The following ZMAT4 variants were observed in gnomAD, a reference collection of about 807,000 sequenced individuals.
The protein encoded by ZMAT4 is zinc finger matrin-type protein 4.
A neutral mutation model predicts 28.7 loss-of-function variants in ZMAT4; 17 were observed. That is an observed-to-expected ratio of 0.59 (90% CI 0.41 to 0.89). The LOEUF (loss-of-function observed/expected upper bound fraction) is 0.89. ZMAT4 is among the 40% of genes least tolerant of loss of function. The pLI, the probability that ZMAT4 is intolerant of heterozygous loss-of-function variation, is 0.00. For missense variants in ZMAT4, 240 were observed against 283.8 expected, an observed-to-expected ratio of 0.85 and a Z score of 1.11; for synonymous variants, 117 against 109.2, an observed-to-expected ratio of 1.07 and a Z score of -0.44.
chr8:40,650,086 T>C (rs1487164791), intron 5 of ZMAT4, among the ~76,000 whole-genome samples: 1 of 151,652 alleles, frequency 6.6e-6, no homozygotes, highest in African/African-American at 2.4e-5. Flanking sequence ...AGAGCAGAAC[T>C]GAAGGAAATA....
intron 1 of ZMAT4, among the ~76,000 whole-genome samples, chr8:40,871,454 C>G (rs1291518623): frequency 6.6e-6 from 1 of 152,186 alleles, no homozygotes; most frequent in African/African-American, 2.4e-5. Flanking sequence ...GAAAAAAAGA[C>G]AGCCATGTTT....
At chr8:40,559,525 G>A (rs1803660742) in intron 6 of ZMAT4, among the ~76,000 whole-genome samples, 1 of 152,062 alleles carries the variant, frequency 6.6e-6, no homozygotes, top group Non-Finnish European at 1.5e-5. Flanking sequence ...AAATCCTTGT[G>A]CCTCCCTCCC....
intron 6 of ZMAT4, among the ~76,000 whole-genome samples, chr8:40,540,757 A>T (rs1238354836): frequency 1.3e-5 from 2 of 152,202 alleles, no homozygotes; most frequent in Non-Finnish European, 2.9e-5. Flanking sequence ...GTCTGCACTA[A>T]CTCTAGGTAG....
chr8:40,675,040 C>T (rs1222943475), intron 4 of ZMAT4, 109 bp from the exon 5 acceptor site: 2 of 763,790 alleles, frequency 2.6e-6, no homozygotes, highest in East Asian at 2.6e-5. Context: ...AGAGCTTAAA[C>T]ATCCCCAAGA....
intron 1 of ZMAT4, among the ~76,000 whole-genome samples, chr8:40,839,679 C>T (rs1004441832): frequency 2.0e-5 from 3 of 152,182 alleles, no homozygotes; most frequent in South Asian, 2.1e-4. Flanking sequence ...GATTGGAGGT[C>T]GATATCTTAA....
At chr8:40,617,517 C>T (rs755981383) in intron 5 of ZMAT4, among the ~76,000 whole-genome samples, 36 of 152,136 alleles carry the variant, frequency 2.4e-4, no homozygotes, top group African/African-American at 7.0e-4. Flanking sequence ...TCTTGGAATG[C>T]TGAAACGCTA....
intron 2 of ZMAT4, among the ~76,000 whole-genome samples, chr8:40,797,263 G>C (rs982846846): frequency 3.3e-5 from 5 of 152,230 alleles, no homozygotes; most frequent in African/African-American, 1.2e-4. Context: ...TGTCTGAGCA[G>C]TGTGCCTCTG....
intron 6 of ZMAT4, among the ~76,000 whole-genome samples, chr8:40,561,987 T>C (rs1803758823): frequency 6.6e-6 from 1 of 152,162 alleles, no homozygotes; most frequent in Non-Finnish European, 1.5e-5. Context: ...CTCCTAGTGG[T>C]CTTGCTTCTC....
chr8:40,855,606 C>G (rs993279990), intron 1 of ZMAT4, among the ~76,000 whole-genome samples: 5 of 152,074 alleles, frequency 3.3e-5, no homozygotes, highest in African/African-American at 9.6e-5. Flanking sequence ...AAAATTTGTC[C>G]TTCAGTCCTA....
intron 4 of ZMAT4, chr8:40,696,984 C>T (rs577585598): frequency 2.8e-6 from 1 of 362,034 alleles, no homozygotes; most frequent in South Asian, 8.4e-5. Context: ...AGACAATGCA[C>T]ACAGCTCTTC....
At chr8:40,848,485 G>C (rs563212965) in intron 1 of ZMAT4, among the ~76,000 whole-genome samples, 1 of 152,290 alleles carries the variant, frequency 6.6e-6, no homozygotes, top group East Asian at 1.9e-4. Flanking sequence ...GGTGGCCTGG[G>C]CATGAGTCAG....
chr8:40,838,059 G>C (rs1816562482), intron 1 of ZMAT4, among the ~76,000 whole-genome samples: 1 of 152,156 alleles, frequency 6.6e-6, no homozygotes, highest in African/African-American at 2.4e-5. Flanking sequence ...GAAGTCGCAG[G>C]GTCTTGTCAC....
At chr8:40,718,259 C>T (rs1388858978) in intron 3 of ZMAT4, among the ~76,000 whole-genome samples, 2 of 152,228 alleles carry the variant, frequency 1.3e-5, no homozygotes, top group East Asian at 1.9e-4. Context: ...GACCAGTCTG[C>T]GTCAGCAGTG....
At chr8:40,543,361 C>G (rs1328179310) in intron 6 of ZMAT4, among the ~76,000 whole-genome samples, 1 of 152,200 alleles carries the variant, frequency 6.6e-6, no homozygotes, top group African/African-American at 2.4e-5. Context: ...CAAAGCAAAG[C>G]CCATACTGCA....
At position 40,668,899 on chromosome 8, in the gene ZMAT4, G is replaced by C. The variant is rs559444974; in HGVS notation, c.577+5805C>G. 6.0e-4 allele frequency among the ~76,000 whole-genome samples: 90 copies of C among 150,436 alleles called. 1 individual carries two copies. The highest frequency in any genetic ancestry group is 9.9e-4 in the Admixed American group (15 of 15,160). ...AAAGTGTTTTTTTTTTTTTATATTG[G>C]ACAATGCCCTTGACTACCCAGAACA... is the stretch of plus-strand genomic sequence containing the variant. On this transcript the variant is annotated intron_variant, in intron 5 of 6. Transcript: ENST00000297737.
chr8:40,650,785 T>C (rs1449802728), intron 5 of ZMAT4, among the ~76,000 whole-genome samples: 3 of 149,084 alleles, frequency 2.0e-5, no homozygotes, highest in Non-Finnish European at 4.5e-5. Context: ...CACAAATCAA[T>C]AAATGTAATC....
chr8:40,717,713 T>C (rs1175097373), intron 3 of ZMAT4, among the ~76,000 whole-genome samples: 2 of 151,866 alleles, frequency 1.3e-5, no homozygotes, highest in African/African-American at 4.8e-5. Context: ...AAAAACAAAA[T>C]AAAGCATTCA....
At chr8:40,751,769 C>A (rs1023619061) in intron 3 of ZMAT4, among the ~76,000 whole-genome samples, 61 of 152,108 alleles carry the variant, frequency 4.0e-4, no homozygotes, top group African/African-American at 1.1e-3. Context: ...AAACCAGATG[C>A]AATTCTGTTG....
intron 6 of ZMAT4, among the ~76,000 whole-genome samples, chr8:40,570,629 A>G (rs1304436067): frequency 6.6e-6 from 1 of 151,986 alleles, no homozygotes; most frequent in African/African-American, 2.4e-5. Flanking sequence ...AAGTCCAGGA[A>G]GTGGAGGTTG....
Sources: gnomAD v4.1 joint callset for allele counts (sites outside exome capture counted in the v4.1 genomes callset) on GRCh38, gnomAD v4.1.1 for gene constraint, MANE v1.5 for transcripts, NCBI Gene and HGNC (gene_info 2026-07-23, HGNC 2026-07-21) for gene names.